CGNL1: variants seen among roughly 807,000 people sequenced by gnomAD.
The protein encoded by CGNL1 is cingulin-like protein 1.
CGNL1 carries 132 observed loss-of-function variants against 141.2 expected under a neutral mutation model. The ratio of observed to expected loss-of-function variants is 0.93; its 90% confidence interval spans 0.81 to 1.08. The LOEUF (loss-of-function observed/expected upper bound fraction) is 1.08. CGNL1 is among the 50% of genes least tolerant of loss of function. The pLI, the probability that CGNL1 is intolerant of heterozygous loss-of-function variation, is 0.00. For synonymous variants in CGNL1, 690 were observed against 622.1 expected, an observed-to-expected ratio of 1.11 and a Z score of -1.63; for missense variants, 1,870 against 1,588.6, an observed-to-expected ratio of 1.18 and a Z score of -3.01.
At chr15:57,464,363 T>A (rs1322886402) in intron 8 of CGNL1, among the ~76,000 whole-genome samples, 1 of 152,050 alleles carries the variant, frequency 6.6e-6, no homozygotes, top group African/African-American at 2.4e-5. Flanking sequence ...TTTAAGCATA[T>A]CTTCAAATTA....
chr15:57,473,874 A>ACTTCTTCTTCTTCTT lies in CGNL1; in HGVS notation c.2403+11995_2403+12009dup, dbSNP rs1270331869. Among the ~76,000 whole-genome samples the ACTTCTTCTTCTTCTT allele has an allele frequency of 2.7e-5, 3 of 109,790 alleles. No individual in the cohort carries two copies. In the East Asian group the frequency reaches 1.0e-3, roughly 37 times the overall value. The allele number at this position is 109,790 out of a possible 152,430, so 72.0% of individuals were successfully genotyped here. On this transcript the variant is annotated intron_variant, in intron 8 of 18. Transcript: ENST00000281282. ...TGAGCCAGAACTGCCTGATTGAGTC[A>ACTTCTTCTTCTTCTT]CTTCTTCTTCTTCTTCTTCTTCTTC...
At chr15:57,509,790 A>G (rs2030079035) in intron 8 of CGNL1, among the ~76,000 whole-genome samples, 1 of 152,192 alleles carries the variant, frequency 6.6e-6, no homozygotes, top group Admixed American at 6.5e-5. Flanking sequence ...TAAAATTGGT[A>G]ATTGGAGCAT....
chr15:57,443,776 A>C (rs1012426576), intron 4 of CGNL1, among the ~76,000 whole-genome samples: 3 of 152,232 alleles, frequency 2.0e-5, no homozygotes, highest in Non-Finnish European at 4.4e-5. Flanking sequence ...TCTGAAGTCC[A>C]AATTATCAAC....
At chr15:57,545,933 T>G (rs2032838904) in intron 17 of CGNL1, 143 bp from the exon 18 acceptor site, 1 of 948,934 alleles carries the variant, frequency 1.1e-6, no homozygotes, top group Non-Finnish European at 1.6e-6. Context: ...TCTTAGTGCC[T>G]GCTCTCCATG....
chr15:57,473,238 A>G (rs781596700), intron 8 of CGNL1, among the ~76,000 whole-genome samples: 3 of 152,206 alleles, frequency 2.0e-5, no homozygotes, highest in Non-Finnish European at 4.4e-5. Context: ...TATTCAATCT[A>G]TGTTATACTC....
intron 8 of CGNL1, among the ~76,000 whole-genome samples, chr15:57,473,833 G>C (rs2063613551): frequency 6.7e-6 from 1 of 150,304 alleles, no homozygotes; most frequent in Non-Finnish European, 1.5e-5. Flanking sequence ...CTTGACTGCA[G>C]CCTCATCAGA....
At chr15:57,381,629 AG>A (rs1200939564) in intron 1 of CGNL1, among the ~76,000 whole-genome samples, 7 of 152,184 alleles carry the variant, frequency 4.6e-5, no homozygotes, top group African/African-American at 1.7e-4. Context: ...CTGAATACAA[AG>A]CTAAGTTCTC....
chr15:57,416,317 G>A (rs1225410365), intron 1 of CGNL1, among the ~76,000 whole-genome samples: 2 of 151,234 alleles, frequency 1.3e-5, no homozygotes, highest in Non-Finnish European at 2.9e-5. Context: ...TTGGTAACTT[G>A]CCCAAAGTCT....
intron 15 of CGNL1, 96 bp downstream of exon 15, chr15:57,543,875 T>C (rs1595817560): frequency 2.3e-6 from 2 of 855,092 alleles, no homozygotes. Context: ...GGTCCCTCCT[T>C]TACTTGGCAT....
chr15:57,409,680 G>A (rs779554043), intron 1 of CGNL1, among the ~76,000 whole-genome samples: 4 of 152,182 alleles, frequency 2.6e-5, no homozygotes, highest in African/African-American at 9.7e-5. Context: ...GCGTGGAGTT[G>A]ACTGATGCCA....
intron 18 of CGNL1, among the ~76,000 whole-genome samples, chr15:57,546,527 C>G (rs1008580850): frequency 6.6e-6 from 1 of 152,198 alleles, no homozygotes; most frequent in Non-Finnish European, 1.5e-5. Context: ...GCAGATAAGA[C>G]TAGCTCACAC....
chr15:57,404,531 G>A (rs1415850991), intron 1 of CGNL1, among the ~76,000 whole-genome samples: 1 of 152,170 alleles, frequency 6.6e-6, no homozygotes, highest in African/African-American at 2.4e-5. Flanking sequence ...TGCAAAGGGT[G>A]CATTTTCACA....
intron 14 of CGNL1, among the ~76,000 whole-genome samples, chr15:57,532,855 A>C (rs2032030313): frequency 6.6e-6 from 1 of 152,194 alleles, no homozygotes; most frequent in Non-Finnish European, 1.5e-5. Context: ...ATTGTTATTC[A>C]TAACCACTTG....
chr15:57,415,090 C>T (rs982233276), intron 1 of CGNL1, among the ~76,000 whole-genome samples: 1 of 152,196 alleles, frequency 6.6e-6, no homozygotes, highest in Non-Finnish European at 1.5e-5. Flanking sequence ...ACTCGGACAA[C>T]TGAGATCAAA....
At chr15:57,498,169 C>G (rs538223245) in intron 8 of CGNL1, among the ~76,000 whole-genome samples, 1 of 151,552 alleles carries the variant, frequency 6.6e-6, no homozygotes, top group Non-Finnish European at 1.5e-5. Context: ...CTTGTCTCCA[C>G]TATAGAATAT....
chr15:57,494,757 G>A (rs1044230456), intron 8 of CGNL1, among the ~76,000 whole-genome samples: 1 of 152,182 alleles, frequency 6.6e-6, no homozygotes, highest in Non-Finnish European at 1.5e-5. Flanking sequence ...ATGGTGCACA[G>A]TGTTCAGCTG....
intron 8 of CGNL1, among the ~76,000 whole-genome samples, chr15:57,491,986 A>G (rs2063870872): frequency 6.6e-6 from 1 of 152,208 alleles, no homozygotes; most frequent in Non-Finnish European, 1.5e-5. Context: ...AGCAATGATG[A>G]CTGAATGTAA....
At chr15:57,383,298 T>TTTTTTTTTTTTTTTTTTTTTTTG (rs1555428834) in intron 1 of CGNL1, among the ~76,000 whole-genome samples, 2 of 141,620 alleles carry the variant, frequency 1.4e-5, no homozygotes, top group African/African-American at 5.5e-5. Flanking sequence ...CTTCCTTTTT[T>TTTTTTTTTTTTTTTTTTTTTTTG]TTTTTTTGTT....
At chr15:57,392,797 G>A (rs79337969) in intron 1 of CGNL1, among the ~76,000 whole-genome samples, 3,862 of 152,224 alleles carry the variant, frequency 0.025, 162 homozygotes, top group African/African-American at 0.089. Flanking sequence ...GAGTCTAGAT[G>A]TTTAAAGTCT....
Sources: gnomAD v4.1 joint callset for allele counts (sites outside exome capture counted in the v4.1 genomes callset) on GRCh38, gnomAD v4.1.1 for gene constraint, MANE v1.5 for transcripts, NCBI Gene and HGNC (gene_info 2026-07-23, HGNC 2026-07-21) for gene names.